CNST: variants seen among roughly 807,000 people sequenced by gnomAD.
The protein encoded by CNST is consortin, connexin sorting protein.
CNST carries 39 observed loss-of-function variants against 72.4 expected under a neutral mutation model. That is an observed-to-expected ratio of 0.54 (90% CI 0.42 to 0.70). The LOEUF (loss-of-function observed/expected upper bound fraction) is 0.70, where lower values mean the gene tolerates loss of function less well. Among genes scored for constraint, CNST ranks in the 30% least tolerant of loss-of-function variants. The pLI, the probability that CNST is intolerant of heterozygous loss-of-function variation, is 0.00. For missense variants in CNST, 871 were observed against 868.5 expected, an observed-to-expected ratio of 1.00 and a Z score of -0.04; for synonymous variants, 332 against 320.1, an observed-to-expected ratio of 1.04 and a Z score of -0.40.
At chr1:246,582,968 G>T (rs1018614066) in intron 1 of CNST, among the ~76,000 whole-genome samples, 1 of 152,202 alleles carries the variant, frequency 6.6e-6, no homozygotes, top group Non-Finnish European at 1.5e-5. Flanking sequence ...TCTGAGAAAC[G>T]CAGGGACCTC....
At chr1:246,646,149 G>A (rs1251589096) in intron 8 of CNST, among the ~76,000 whole-genome samples, 4 of 151,154 alleles carry the variant, frequency 2.6e-5, no homozygotes, top group African/African-American at 9.7e-5. Context: ...GCAAGGTGGC[G>A]GGCGCCTGTA....
chr1:246,628,295 C>T (rs1363815196), intron 3 of CNST, among the ~76,000 whole-genome samples: 4 of 152,142 alleles, frequency 2.6e-5, no homozygotes, highest in Non-Finnish European at 5.9e-5. Context: ...CACGTTGACA[C>T]TCAGTATTAA....
chr1:246,575,687 A>C (rs1293667483), intron 1 of CNST, among the ~76,000 whole-genome samples: 1 of 152,170 alleles, frequency 6.6e-6, no homozygotes, highest in Non-Finnish European at 1.5e-5. Flanking sequence ...ACTAAAAGCT[A>C]TTGAATTGTG....
intron 3 of CNST, among the ~76,000 whole-genome samples, chr1:246,626,892 CT>C (rs1558569384): frequency 6.6e-6 from 1 of 152,190 alleles, no homozygotes; most frequent in Non-Finnish European, 1.5e-5. Context: ...TCTTACCTCT[CT>C]TGTTAAATGC....
At chr1:246,618,866 C>G (rs1663867020) in intron 2 of CNST, among the ~76,000 whole-genome samples, 1 of 152,120 alleles carries the variant, frequency 6.6e-6, no homozygotes, top group African/African-American at 2.4e-5. Flanking sequence ...TATCCAGGAC[C>G]CTTTTTTGAT....
intron 9 of CNST, among the ~76,000 whole-genome samples, chr1:246,651,887 A>T (rs1257918615): frequency 6.6e-6 from 1 of 152,140 alleles, no homozygotes; most frequent in East Asian, 1.9e-4. Context: ...CATTGGAAAG[A>T]TTTACTCGTT....
rs1661534657 is a variant in CNST, at chr1:246,591,425, CAACCT to C, written c.-51-84_-51-80del. The C allele has an allele frequency of 7.3e-6, 7 of 960,548 alleles. No individual in the cohort carries two copies. In the South Asian group the frequency reaches 9.9e-5, roughly 14 times the overall value. 59.5% of individuals were successfully genotyped at this position (960,548 alleles called of 1,614,324 possible). ...CTTCTCTTCCCTATTTACAATGAAA[CAACCT>C]AAGAGAAGGGGAAAATCAAAGATCA... is the stretch of plus-strand genomic sequence containing the variant. On this transcript the variant is annotated intron_variant, in intron 1 of 10. Transcript: ENST00000366513.
intron 1 of CNST, among the ~76,000 whole-genome samples, chr1:246,567,088 G>A (rs761388024): frequency 6.8e-6 from 1 of 147,572 alleles, no homozygotes; most frequent in African/African-American, 2.5e-5. Context: ...CAAGAACCGC[G>A]TGGTGTCTCC....
intron 2 of CNST, among the ~76,000 whole-genome samples, chr1:246,604,704 T>C (rs933019279): frequency 6.6e-6 from 1 of 152,208 alleles, no homozygotes; most frequent in Non-Finnish European, 1.5e-5. Flanking sequence ...ACTCTTGCTG[T>C]ATTGCTCATG....
In CNST at chr1:246,591,811, A is replaced by C; in HGVS notation, c.249A>C (p.Ala83=). The part of the protein sequence containing the change: ...ESCTLSCEVA[A]GENLQNTLCE... Reference sequence around the variant, plus strand: ...GCACATTGAGCTGCGAGGTGGCTGCAGGTGAGAACTTGCAAAACACCCTTT... The same window carrying C: ...GCACATTGAGCTGCGAGGTGGCTGCCGGTGAGAACTTGCAAAACACCCTTT... The change falls in exon 2 of 11, where the codon GCA becomes GCC. Residue 83 remains alanine, a synonymous_variant. Transcript: ENST00000366513. The C allele has an allele frequency of 1.2e-6, 2 of 1,614,088 alleles. No homozygotes were observed. Among genetic ancestry groups the C allele is most frequent in the Non-Finnish European group, 1.7e-6 (2 of 1,179,992 alleles).
intron 1 of CNST, among the ~76,000 whole-genome samples, chr1:246,591,062 A>G (rs1306703607): frequency 6.6e-6 from 1 of 152,114 alleles, no homozygotes; most frequent in African/African-American, 2.4e-5. Flanking sequence ...CTGTTTAGCC[A>G]GAGAAGAACT....
intron 2 of CNST, 136 bp from the exon 3 acceptor site, chr1:246,621,293 T>C (rs544662694): frequency 2.9e-6 from 2 of 694,614 alleles, no homozygotes; most frequent in South Asian, 1.7e-5. Flanking sequence ...TTTCATATGA[T>C]AAACACATTT....
At chr1:246,599,672 C>T (rs1662138496) in intron 2 of CNST, among the ~76,000 whole-genome samples, 1 of 152,150 alleles carries the variant, frequency 6.6e-6, no homozygotes. Flanking sequence ...CTTTGGGAGG[C>T]TAAAGCGAGC....
intron 10 of CNST, among the ~76,000 whole-genome samples, chr1:246,660,637 A>G (rs951817749): frequency 3.3e-5 from 5 of 152,234 alleles, no homozygotes; most frequent in Non-Finnish European, 5.9e-5. Context: ...AAGCAGGAGA[A>G]TCGCTTGAAC....
rs113572812 is a variant in CNST, at chr1:246,568,624, C to T, written c.-52+1961C>T. Among the ~76,000 whole-genome samples the T allele has an allele frequency of 4.4e-3, 676 of 152,268 alleles. 5 individuals are homozygous for T. Among genetic ancestry groups the T allele is most frequent in the African/African-American group, 0.016 (647 of 41,556 alleles). ...AATTTTGAGATGGAGTCTACTCTGT[C>T]GCCTAGGCTGGTGCCATCTCGGTTC... is the stretch of plus-strand genomic sequence containing the variant. On this transcript the variant is annotated intron_variant, in intron 1 of 10. Coordinates refer to ENST00000366513, the MANE Select transcript of CNST (RefSeq NM_152609.3).
At chr1:246,632,063 G>T in intron 4 of CNST, 139 bp downstream of exon 4, 3 of 552,238 alleles carry the variant, frequency 5.4e-6, no homozygotes, top group East Asian at 3.1e-5. Flanking sequence ...GTATGTACCC[G>T]TGTAACCACC....
At chr1:246,590,453 G>A (rs564208130) in intron 1 of CNST, among the ~76,000 whole-genome samples, 8 of 151,950 alleles carry the variant, frequency 5.3e-5, no homozygotes, top group Admixed American at 2.6e-4. Context: ...CTCCCTTTTC[G>A]CCTGTCTTAT....
At position 246,647,620 on chromosome 1, in the gene CNST, A is replaced by G. The variant is rs1442294897; in HGVS notation, c.1419A>G (p.Thr473=). Residue 473 remains threonine (T), a synonymous_variant, in exon 9 of 11, where the codon ACA becomes ACG. Coordinates refer to ENST00000366513, the MANE Select transcript of CNST (RefSeq NM_152609.3). ...GGGATGCTTCTGAGGCGTTGCCCAC[A>G]GACCAACTTGAGAACAATGAATTAA... is the stretch of plus-strand genomic sequence containing the variant. ...PLRDASEALP[T]DQLENNELNE... 2 of 1,614,244 alleles carry G rather than the reference A, an allele frequency of 1.2e-6. No individual in the cohort carries two copies. Among genetic ancestry groups the G allele is most frequent in the African/African-American group, 1.3e-5 (1 of 75,072 alleles).
chr1:246,645,722 C>T (rs939021728), intron 8 of CNST, among the ~76,000 whole-genome samples: 2 of 151,874 alleles, frequency 1.3e-5, no homozygotes, highest in East Asian at 1.9e-4. Flanking sequence ...CCACCGCGCC[C>T]GGCCAAAAAG....
Sources: gnomAD v4.1 joint callset for allele counts (sites outside exome capture counted in the v4.1 genomes callset) on GRCh38, gnomAD v4.1.1 for gene constraint, MANE v1.5 for transcripts, NCBI Gene and HGNC (gene_info 2026-07-23, HGNC 2026-07-21) for gene names.